MARCHF10: variants seen among roughly 807,000 people sequenced by gnomAD.
MARCHF10 encodes the protein membrane associated ring-CH-type finger 10, also known as probable E3 ubiquitin-protein ligase MARCHF10.
MARCHF10 carries 64 observed loss-of-function variants against 76.2 expected under a neutral mutation model. That is an observed-to-expected ratio of 0.84 (90% CI 0.69 to 1.03). The LOEUF is 1.03. Ranked by LOEUF, MARCHF10 falls within the 50% of genes least tolerant of loss-of-function variation. The probability of loss-of-function intolerance (pLI) is 0.00; values close to 1 mark genes in which losing one functional copy is unlikely to be tolerated. For synonymous variants in MARCHF10, 340 were observed against 357.5 expected, an observed-to-expected ratio of 0.95 and a Z score of 0.55; for missense variants, 875 against 958.0, an observed-to-expected ratio of 0.91 and a Z score of 1.14.
intron 6 of MARCHF10, among the ~76,000 whole-genome samples, chr17:62,728,600 C>T (rs1181887952): frequency 6.6e-6 from 1 of 151,982 alleles, no homozygotes; most frequent in Non-Finnish European, 1.5e-5. Context: ...GGAGGTAATT[C>T]TCAGGAGGAT....
At chr17:62,742,006 GTTTTT>G (rs1179421234) in intron 5 of MARCHF10, among the ~76,000 whole-genome samples, 1 of 126,022 alleles carries the variant, frequency 7.9e-6, no homozygotes, top group East Asian at 2.5e-4. Context: ...CCTGGAAACT[GTTTTT>G]TTTTCTTTTT....
intron 3 of MARCHF10, among the ~76,000 whole-genome samples, chr17:62,771,173 T>C (rs1405410162): frequency 6.6e-6 from 1 of 152,010 alleles, no homozygotes; most frequent in Admixed American, 6.6e-5. Flanking sequence ...ATTAAACAAA[T>C]GTAAAATTAG....
At chr17:62,745,050 G>A (rs577728442) in intron 4 of MARCHF10, among the ~76,000 whole-genome samples, 5 of 149,066 alleles carry the variant, frequency 3.4e-5, no homozygotes, top group Non-Finnish European at 7.4e-5. Context: ...TGATGCCTGC[G>A]ATGCAGAGGC....
intron 2 of MARCHF10, among the ~76,000 whole-genome samples, chr17:62,799,791 C>G (rs1037920882): frequency 2.0e-5 from 3 of 151,966 alleles, no homozygotes; most frequent in Non-Finnish European, 4.4e-5. Context: ...AAGCTATGTT[C>G]TGTGAGACCC....
intron 9 of MARCHF10, among the ~76,000 whole-genome samples, chr17:62,706,807 G>A (rs1431134940): frequency 1.4e-4 from 22 of 152,178 alleles, no homozygotes. Context: ...GACCTGAGCT[G>A]GGAGGAAGCC....
intron 8 of MARCHF10, among the ~76,000 whole-genome samples, chr17:62,719,575 AT>A (rs898676059): frequency 7.1e-6 from 1 of 141,398 alleles, no homozygotes; most frequent in African/African-American, 2.6e-5. Context: ...TTTATCTTTG[AT>A]TTTTTTTTCC....
intron 8 of MARCHF10, among the ~76,000 whole-genome samples, chr17:62,721,616 G>A (rs896847420): frequency 4.6e-5 from 7 of 152,144 alleles, no homozygotes; most frequent in Non-Finnish European, 4.4e-5. Flanking sequence ...GTGATTAACT[G>A]TTATCTCAGG....
intron 6 of MARCHF10, among the ~76,000 whole-genome samples, chr17:62,728,020 G>A (rs944619567): frequency 3.3e-5 from 5 of 152,158 alleles, no homozygotes; most frequent in Non-Finnish European, 2.9e-5. Context: ...CCAAAGAAAG[G>A]GAACTCTCCA....
At chr17:62,783,064 T>C (rs2092687325) in intron 3 of MARCHF10, among the ~76,000 whole-genome samples, 1 of 152,118 alleles carries the variant, frequency 6.6e-6, no homozygotes, top group Non-Finnish European at 1.5e-5. Context: ...CTCAAACACT[T>C]GGGAGATCAT....
chr17:62,799,915 C>T (rs371577181), intron 2 of MARCHF10, among the ~76,000 whole-genome samples: 2 of 152,172 alleles, frequency 1.3e-5, no homozygotes, highest in African/African-American at 4.8e-5. Flanking sequence ...TCTTTCCTTC[C>T]GATTGGGAAG....
At chr17:62,719,813 T>C (rs1443441697) in intron 8 of MARCHF10, among the ~76,000 whole-genome samples, 1 of 152,230 alleles carries the variant, frequency 6.6e-6, no homozygotes, top group African/African-American at 2.4e-5. Context: ...TTACACCTTT[T>C]GGATAATTGT....
At chr17:62,763,309 G>A (rs2092256043) in intron 3 of MARCHF10, among the ~76,000 whole-genome samples, 1 of 152,148 alleles carries the variant, frequency 6.6e-6, no homozygotes, top group African/African-American at 2.4e-5. Flanking sequence ...CAAAAGGGTG[G>A]TATGAATGGA....
chr17:62,798,687 T>C (rs146697890), intron 2 of MARCHF10, among the ~76,000 whole-genome samples: 2 of 152,176 alleles, frequency 1.3e-5, no homozygotes, highest in East Asian at 3.9e-4. Context: ...TGGGGACATC[T>C]GGGATGAGGC....
At chr17:62,704,201 G>GGGC (rs1484790553) in intron 10 of MARCHF10, among the ~76,000 whole-genome samples, 1 of 151,580 alleles carries the variant, frequency 6.6e-6, no homozygotes, top group Non-Finnish European at 1.5e-5. Context: ...CGCGCGGGGC[G>GGGC]GGCGGCGGCG....
In MARCHF10 at chr17:62,712,307, G is replaced by A. The variant is rs557216993; in HGVS notation, c.2215-963C>T. Among the ~76,000 whole-genome samples the A allele has an allele frequency of 7.9e-5, 12 of 152,340 alleles. No individual in the cohort carries two copies. In the South Asian group the frequency reaches 2.3e-3, roughly 29 times the overall value. On this transcript the variant is annotated intron_variant, in intron 8 of 10. Coordinates refer to ENST00000311269, the MANE Select transcript of MARCHF10 (RefSeq NM_152598.4). This position sits in a 1 kb window ranked among gnomAD's most constrained non-coding sequence, Gnocchi z 4.2. ...GTCACCCTTGGGAAAGCTTGCAACT[G>A]TGACTCTGTCGGCCCAGGATAACGA...
intron 9 of MARCHF10, among the ~76,000 whole-genome samples, chr17:62,707,082 G>C (rs1405935869): frequency 6.6e-6 from 1 of 152,164 alleles, no homozygotes; most frequent in Non-Finnish European, 1.5e-5. Context: ...TCCCATGTCT[G>C]ATGCTCCCAC....
rs1388674212 is a variant in MARCHF10, at chr17:62,737,059, C to A, written c.809G>T (p.Arg270Met). The change falls in exon 6 of 11, where the codon AGG becomes ATG. Residue 270 changes from arginine (R) to methionine (M), a missense_variant. Arg to Met is a moderately conservative substitution (Grantham distance 91, BLOSUM62 -1). Transcript: ENST00000311269. ...GGAATAAAAGTCTTCATCTCGGAAC[C>A]TAAATGATGCCTTTCTTGGCCCTCC... ...TVGGPRKASF[R>M]FRDEDFYSIL... is the part of the protein sequence containing the mutation. The A allele has an allele frequency of 6.2e-7, 1 of 1,614,086 alleles. No individual in the cohort carries two copies. The highest frequency in any genetic ancestry group is 2.2e-5 in the East Asian group (1 of 44,868).
intron 2 of MARCHF10, among the ~76,000 whole-genome samples, chr17:62,793,611 C>A (rs2148164040): frequency 6.7e-6 from 1 of 149,460 alleles, no homozygotes; most frequent in South Asian, 2.2e-4. Flanking sequence ...TCTATCACCA[C>A]CACCACCTCC....
chr17:62,722,249 G>A (rs9900080), intron 8 of MARCHF10, among the ~76,000 whole-genome samples: 3 of 139,556 alleles, frequency 2.1e-5, no homozygotes, highest in Non-Finnish European at 3.0e-5. Context: ...CTGCATTCCC[G>A]CCTGGGCGAC....
Sources: allele counts gnomAD v4.1 joint callset (sites outside exome capture counted in the v4.1 genomes callset), GRCh38; gene constraint gnomAD v4.1.1; non-coding constraint Gnocchi (gnomAD v3.1); transcripts MANE v1.5; gene names NCBI Gene and HGNC (gene_info 2026-07-23, HGNC 2026-07-21).